GLRA1: variants seen among roughly 807,000 people sequenced by gnomAD.
GLRA1 encodes glycine receptor subunit alpha-1.
In GLRA1, 37 loss-of-function variants were observed where a neutral mutation model predicts 48.3. The observed-to-expected ratio is 0.77, with a 90% CI of 0.59 to 1.01. GLRA1 has a LOEUF of 1.01. GLRA1 is among the 50% of genes least tolerant of loss of function. The pLI is 0.00. For synonymous variants in GLRA1, 196 were observed against 210.7 expected, an observed-to-expected ratio of 0.93 and a Z score of 0.60; for missense variants, 427 against 571.0, an observed-to-expected ratio of 0.75 and a Z score of 2.57.
At chr5:151,844,636 A>AAG (rs1554083039) in intron 7 of GLRA1, among the ~76,000 whole-genome samples, 15 of 147,864 alleles carry the variant, frequency 1.0e-4, no homozygotes, top group African/African-American at 3.6e-4. Flanking sequence ...AAAAAAAAAA[A>AAG]AAAAAGAAAA....
intron 2 of GLRA1, among the ~76,000 whole-genome samples, chr5:151,889,025 A>G (rs1214212962): frequency 6.6e-6 from 1 of 152,138 alleles, no homozygotes; most frequent in African/African-American, 2.4e-5. Flanking sequence ...AGATACCCCA[A>G]GGAGTTACTG....
chr5:151,869,438 G>C (rs991095236), intron 3 of GLRA1, among the ~76,000 whole-genome samples: 5 of 151,286 alleles, frequency 3.3e-5, no homozygotes, highest in African/African-American at 9.7e-5. Flanking sequence ...TTTTGGTTGG[G>C]TGTGGTGGCT....
intron 8 of GLRA1, among the ~76,000 whole-genome samples, chr5:151,824,965 T>G (rs1763236239): frequency 6.6e-6 from 1 of 152,200 alleles, no homozygotes; most frequent in Non-Finnish European, 1.5e-5. Flanking sequence ...TTGTTGTTGT[T>G]TGTTTAAATG....
At chr5:151,877,609 C>T (rs1753657918) in intron 3 of GLRA1, among the ~76,000 whole-genome samples, 1 of 152,108 alleles carries the variant, frequency 6.6e-6, no homozygotes, top group Admixed American at 6.5e-5. Flanking sequence ...ATCTTGAATC[C>T]CCATGTGTTA....
chr5:151,855,022 G>A lies in GLRA1; in HGVS notation c.697+18C>T, dbSNP rs1432853805. On this transcript the variant is annotated intron_variant, in intron 6 of 8. Transcript: ENST00000274576. Reference sequence around the variant, plus strand: ...TGGTTGGGGGGTGGGATCTGAGGAGGGTGGCCCTTGTACCTACCTGTGTTG... The same window carrying A: ...TGGTTGGGGGGTGGGATCTGAGGAGAGTGGCCCTTGTACCTACCTGTGTTG... 9 of 1,613,204 alleles carry A rather than the reference G, an allele frequency of 5.6e-6. No individual in the cohort carries two copies. Among genetic ancestry groups the A allele is most frequent in the Non-Finnish European group, 3.4e-6 (4 of 1,179,488 alleles).
intron 1 of GLRA1, among the ~76,000 whole-genome samples, chr5:151,895,294 T>C (rs1266404318): frequency 6.6e-6 from 1 of 152,090 alleles, no homozygotes; most frequent in Non-Finnish European, 1.5e-5. Flanking sequence ...ACATGGGGTA[T>C]AGGGTGTGGA....
chr5:151,912,029 G>A (rs1029452501), intron 1 of GLRA1, among the ~76,000 whole-genome samples: 3 of 152,196 alleles, frequency 2.0e-5, no homozygotes, highest in African/African-American at 7.2e-5. Flanking sequence ...GCATGGAAAA[G>A]CTGAGACTAG....
At chr5:151,917,799 A>G (rs970209599) in intron 1 of GLRA1, among the ~76,000 whole-genome samples, 1 of 152,138 alleles carries the variant, frequency 6.6e-6, no homozygotes, top group South Asian at 2.1e-4. Flanking sequence ...GGAAAGTGCA[A>G]TTCTCTGGGG....
At chr5:151,851,194 A>G (rs758679921) in intron 7 of GLRA1, among the ~76,000 whole-genome samples, 196 bp downstream of exon 7, 1 of 152,250 alleles carries the variant, frequency 6.6e-6, no homozygotes, top group Non-Finnish European at 1.5e-5. Context: ...CGTATTGAAC[A>G]TAATGTTGAG....
chr5:151,859,961 G>A lies in GLRA1; in HGVS notation c.300C>T (p.Arg100=), dbSNP rs1172371698. The change falls in exon 4 of 9, where the codon CGC becomes CGT. Residue 100 remains arginine (R), a synonymous_variant. Transcript: ENST00000274576. ...IFLRQQWNDP[R]LAYNEYPDDS... is the part of the protein sequence containing the mutation. ...CGTCAGGGTATTCATTATAGGCCAG[G>A]CGGGGGTCGTTCCATTGCTGCCGCA... 3 of 1,613,992 alleles carry A rather than the reference G, an allele frequency of 1.9e-6. No homozygotes were observed. The highest frequency in any genetic ancestry group is 2.5e-6 in the Non-Finnish European group (3 of 1,180,004).
intron 3 of GLRA1, among the ~76,000 whole-genome samples, chr5:151,883,729 A>G (rs1187257046): frequency 6.6e-6 from 1 of 152,264 alleles, no homozygotes; most frequent in Admixed American, 6.5e-5. Flanking sequence ...TACTCACAGC[A>G]GGCCACAAGG....
chr5:151,835,509 AAAG>A (rs1561548915), intron 7 of GLRA1, among the ~76,000 whole-genome samples: 1 of 152,208 alleles, frequency 6.6e-6, no homozygotes, highest in Non-Finnish European at 1.5e-5. Context: ...CACAACAAAA[AAAG>A]AGAATTTCAG....
At position 151,892,446 on chromosome 5, in the gene GLRA1, G is replaced by A. The variant is rs1754103263; in HGVS notation, c.57-8C>T. 6.2e-7 allele frequency: 1 copy of A among 1,613,824 alleles called. No homozygotes were observed. Among genetic ancestry groups the A allele is most frequent in the African/African-American group, 1.3e-5 (1 of 74,924 alleles). ...TCCTTAGAAGCAGCAAGGCTAAGGA[G>A]GAAGAGAGGAGAGCAAAAGGTTAAT... is the stretch of plus-strand genomic sequence containing the variant. On this transcript the variant is annotated splice_region_variant and splice_polypyrimidine_tract_variant and intron_variant, in intron 1 of 8. Coordinates refer to ENST00000274576, the MANE Select transcript of GLRA1 (RefSeq NM_000171.4).
At chr5:151,871,161 G>A (rs376770162) in intron 3 of GLRA1, among the ~76,000 whole-genome samples, 2 of 149,300 alleles carry the variant, frequency 1.3e-5, no homozygotes, top group East Asian at 3.9e-4. Flanking sequence ...TTTCTCCTTG[G>A]CCCTCTCTTA....
At chr5:151,844,288 A>G (rs1268223592) in intron 7 of GLRA1, among the ~76,000 whole-genome samples, 1 of 152,152 alleles carries the variant, frequency 6.6e-6, no homozygotes, top group Non-Finnish European at 1.5e-5. Context: ...AAATACAGGT[A>G]TTAATCTTCA....
At chr5:151,890,076 C>T (rs1252363124) in intron 2 of GLRA1, among the ~76,000 whole-genome samples, 1 of 152,006 alleles carries the variant, frequency 6.6e-6, no homozygotes, top group East Asian at 1.9e-4. Context: ...CTTAAAAATG[C>T]CCACTGCTGA....
intron 7 of GLRA1, among the ~76,000 whole-genome samples, chr5:151,847,578 G>A (rs1469334485): frequency 6.6e-6 from 1 of 152,162 alleles, no homozygotes; most frequent in Admixed American, 6.5e-5. Flanking sequence ...CATTAGCCAG[G>A]CATGACGGCG....
At chr5:151,861,743 A>G (rs1486783646) in intron 3 of GLRA1, among the ~76,000 whole-genome samples, 1 of 152,238 alleles carries the variant, frequency 6.6e-6, no homozygotes, top group African/African-American at 2.4e-5. Flanking sequence ...GGACCTCTTC[A>G]AGGAGAACTA....
At chr5:151,847,119 T>C (rs2113329128) in intron 7 of GLRA1, among the ~76,000 whole-genome samples, 2 of 152,366 alleles carry the variant, frequency 1.3e-5, no homozygotes, top group Middle Eastern at 6.8e-3. Context: ...CTTTTCTATA[T>C]CAAAACAGAA....
Sources: gnomAD v4.1 joint callset for allele counts (sites outside exome capture counted in the v4.1 genomes callset) on GRCh38, gnomAD v4.1.1 for gene constraint, MANE v1.5 for transcripts, NCBI Gene and HGNC (gene_info 2026-07-23, HGNC 2026-07-21) for gene names.